Variants in CARMIL1 observed in about 807,000 individuals in gnomAD.
CARMIL1 encodes capping protein regulator and myosin 1 linker 1, also known as F-actin-uncapping protein LRRC16A.
Under a neutral mutation model 177.1 loss-of-function variants are expected in CARMIL1, and 90 were observed. That is an observed-to-expected ratio of 0.51 (90% CI 0.43 to 0.61). CARMIL1 has a LOEUF of 0.61. CARMIL1 is among the 20% of genes least tolerant of loss of function. CARMIL1 has a pLI of 0.00. For missense variants in CARMIL1, 1,380 were observed against 1,667.0 expected (o/e 0.83, Z 3.00); for synonymous variants, 577 against 606.2 (o/e 0.95, Z 0.71).
rs186460186 is a variant in CARMIL1, at chr6:25,347,368, C to G, written c.138+62459C>G. ...TTACCAACAGCCCATTGATCTCCTGCCCCACTGGCTATTGCATGTAACTAT... is the reference window on the plus strand; with the variant it reads ...TTACCAACAGCCCATTGATCTCCTGGCCCACTGGCTATTGCATGTAACTAT... On this transcript the variant is annotated intron_variant, in intron 2 of 36. Coordinates refer to ENST00000329474, the MANE Select transcript of CARMIL1 (RefSeq NM_017640.6). Among the ~76,000 whole-genome samples, 3 of 152,316 alleles carry G rather than the reference C, an allele frequency of 2.0e-5. No homozygotes were observed. The East Asian group carries it at 5.8e-4, about 29-fold the overall frequency.
At chr6:25,334,411 T>G (rs1001573261) in intron 2 of CARMIL1, among the ~76,000 whole-genome samples, 7 of 152,224 alleles carry the variant, frequency 4.6e-5, no homozygotes, top group Admixed American at 6.5e-5. Context: ...GAGGATAAAT[T>G]GCTTTTTGGC....
intron 2 of CARMIL1, among the ~76,000 whole-genome samples, chr6:25,390,600 G>GC (rs200064937): frequency 0.027 from 4,059 of 152,100 alleles, 149 homozygotes; most frequent in African/African-American, 0.086. Flanking sequence ...GGGATTACAA[G>GC]CATGAGCCAC....
chr6:25,457,746 C>T (rs1799672565), intron 8 of CARMIL1, among the ~76,000 whole-genome samples: 1 of 152,144 alleles, frequency 6.6e-6, no homozygotes, highest in Non-Finnish European at 1.5e-5. Context: ...TGCATTAAAA[C>T]ACCTCCTTTG....
intron 2 of CARMIL1, among the ~76,000 whole-genome samples, chr6:25,302,480 C>G (rs770726450): frequency 6.6e-6 from 1 of 152,168 alleles, no homozygotes; most frequent in Non-Finnish European, 1.5e-5. Flanking sequence ...GTAAACTACT[C>G]GAGAGTCCAG....
chr6:25,605,192 G>A (rs1049665609), intron 34 of CARMIL1, among the ~76,000 whole-genome samples: 1 of 152,148 alleles, frequency 6.6e-6, no homozygotes, highest in Non-Finnish European at 1.5e-5. Context: ...TGGAAAAGTT[G>A]GGGGTGGGGG....
At chr6:25,581,139 A>C in intron 30 of CARMIL1, 104 bp from the exon 31 acceptor site, 4 of 1,298,866 alleles carry the variant, frequency 3.1e-6, no homozygotes, top group Non-Finnish European at 4.3e-6. Flanking sequence ...TGTGTTTGCT[A>C]TTCTATGCTA....
chr6:25,391,036 CT>C (rs1792766171), intron 2 of CARMIL1, among the ~76,000 whole-genome samples: 1 of 152,174 alleles, frequency 6.6e-6, no homozygotes, highest in South Asian at 2.1e-4. Flanking sequence ...TGTTTTCAAG[CT>C]TGTGAAAAAA....
chr6:25,593,614 A>T (rs1814532496), intron 31 of CARMIL1, among the ~76,000 whole-genome samples: 1 of 152,236 alleles, frequency 6.6e-6, no homozygotes, highest in African/African-American at 2.4e-5. Flanking sequence ...TCAGCAGCAG[A>T]GCACAGATAC....
intron 22 of CARMIL1, among the ~76,000 whole-genome samples, chr6:25,518,127 A>G (rs1336328963): frequency 6.6e-6 from 1 of 152,166 alleles, no homozygotes; most frequent in Non-Finnish European, 1.5e-5. Context: ...ATGGCATAGA[A>G]GCCGTTTCCC....
chr6:25,604,162 C>G (rs1315128091), intron 33 of CARMIL1, among the ~76,000 whole-genome samples: 1 of 152,178 alleles, frequency 6.6e-6, no homozygotes, highest in Admixed American at 6.5e-5. Flanking sequence ...CAGCTTTGAA[C>G]TCCTGGGGTT....
At chr6:25,373,936 A>G (rs1209920374) in intron 2 of CARMIL1, among the ~76,000 whole-genome samples, 1 of 152,156 alleles carries the variant, frequency 6.6e-6, no homozygotes, top group Non-Finnish European at 1.5e-5. Flanking sequence ...TAATCTAGCT[A>G]ATCATCTATC....
At chr6:25,527,713 T>G (rs893469272) in intron 23 of CARMIL1, 1 of 445,718 alleles carries the variant, frequency 2.2e-6, no homozygotes, top group Non-Finnish European at 4.4e-6. Context: ...ATTTCTTCAT[T>G]TATGTTTAAT....
intron 2 of CARMIL1, among the ~76,000 whole-genome samples, chr6:25,394,140 A>G (rs564152076): frequency 3.5e-4 from 54 of 152,306 alleles, no homozygotes; most frequent in Non-Finnish European, 6.0e-4. Context: ...GTCATTAGCC[A>G]GTGTTTACAA....
intron 24 of CARMIL1, among the ~76,000 whole-genome samples, chr6:25,535,237 G>T (rs928351420): frequency 7.2e-5 from 11 of 152,198 alleles, no homozygotes; most frequent in African/African-American, 2.7e-4. Flanking sequence ...AAGACAGAAT[G>T]CAGAAGTGAC....
intron 11 of CARMIL1, among the ~76,000 whole-genome samples, chr6:25,480,963 G>A (rs373191231): frequency 1.1e-3 from 172 of 151,770 alleles, no homozygotes; most frequent in African/African-American, 4.0e-3. Flanking sequence ...CTTGTGATCC[G>A]CCCTCCTCGG....
chr6:25,361,509 C>A (rs1789193427), intron 2 of CARMIL1, among the ~76,000 whole-genome samples: 1 of 151,996 alleles, frequency 6.6e-6, no homozygotes, highest in Non-Finnish European at 1.5e-5. Context: ...TAACTTACTA[C>A]CTGTTTCAGG....
intron 27 of CARMIL1, 77 bp from the exon 28 acceptor site, chr6:25,553,932 C>A: frequency 1.1e-6 from 1 of 874,836 alleles, no homozygotes; most frequent in Non-Finnish European, 1.9e-6. Flanking sequence ...GACCTTATCA[C>A]TATAGCAGCA....
At chr6:25,604,427 AT>A (rs1186124047) in intron 33 of CARMIL1, among the ~76,000 whole-genome samples, 2 of 152,160 alleles carry the variant, frequency 1.3e-5, no homozygotes, top group African/African-American at 4.8e-5. Context: ...GATTCTGTAC[AT>A]TTCTAGCATG....
At position 25,326,843 on chromosome 6, in the gene CARMIL1, C is replaced by T. The variant is rs148962682; in HGVS notation, c.138+41934C>T. 3.9e-4 allele frequency among the ~76,000 whole-genome samples: 59 copies of T among 152,066 alleles called. No individual in the cohort carries two copies. Among genetic ancestry groups the T allele is most frequent in the African/African-American group, 1.2e-3 (49 of 41,458 alleles). ...TATTATTATTATTAATGTTTCAAGA[C>T]GGAATCCCACTGTCACCCAGGCTGG... is the stretch of plus-strand genomic sequence containing the variant. On this transcript the variant is annotated intron_variant, in intron 2 of 36. Coordinates refer to ENST00000329474, the MANE Select transcript of CARMIL1 (RefSeq NM_017640.6). This position sits in a 1 kb window ranked among gnomAD's most constrained non-coding sequence, Gnocchi z 4.2.
Sources: allele counts gnomAD v4.1 joint callset (sites outside exome capture counted in the v4.1 genomes callset), GRCh38; gene constraint gnomAD v4.1.1; non-coding constraint Gnocchi (gnomAD v3.1); transcripts MANE v1.5; gene names NCBI Gene and HGNC (gene_info 2026-07-23, HGNC 2026-07-21).